Variants in ABCD3 observed in about 807,000 individuals in gnomAD.
The protein encoded by ABCD3 is ATP-binding cassette sub-family D member 3.
A neutral mutation model predicts 105.5 loss-of-function variants in ABCD3; 41 were observed. The ratio of observed to expected loss-of-function variants is 0.39; its 90% CI spans 0.30 to 0.50. ABCD3 has a LOEUF of 0.50. Ranked by LOEUF, ABCD3 falls within the 20% of genes least tolerant of loss-of-function variation. The probability of loss-of-function intolerance (pLI) is 0.84; values close to 1 mark genes in which losing one functional copy is unlikely to be tolerated. For missense variants in ABCD3, 622 were observed against 806.3 expected (o/e 0.77, Z 2.77); for synonymous variants, 258 against 269.0 (o/e 0.96, Z 0.40).
At chr1:94,502,132 GC>G (rs1050856740) in intron 20 of ABCD3, among the ~76,000 whole-genome samples, 1 of 152,062 alleles carries the variant, frequency 6.6e-6, no homozygotes, top group African/African-American at 2.4e-5. Flanking sequence ...CTAAATCCCA[GC>G]CCAGTTATTT....
At chr1:94,385,874 A>C in the ABCD3 span, among the ~76,000 whole-genome samples, 3 of 152,204 alleles carry the variant, frequency 2.0e-5, no homozygotes, top group Non-Finnish European at 4.4e-5. Context: ...TAGAATGTGC[A>C]GTGTGTAATC....
the ABCD3 span, among the ~76,000 whole-genome samples, chr1:94,411,355 C>A: frequency 6.6e-6 from 1 of 151,970 alleles, no homozygotes; most frequent in Admixed American, 6.6e-5. Flanking sequence ...TACAAATGGC[C>A]AACAAGCACG....
Position 94,467,804 on chromosome 1 carries a change from T to G in ABCD3, c.247-115T>G, listed in dbSNP as rs1648225783. On this transcript the variant is annotated intron_variant, in intron 3 of 22. Coordinates refer to ENST00000370214, the MANE Select transcript of ABCD3 (RefSeq NM_002858.4). ...TTATAGAAAAAATGTCAGCCAACTA[T>G]ATTGAAACTTACATAAAGCTTTAGA... is the stretch of plus-strand genomic sequence containing the variant. 5 of 710,242 alleles carry G rather than the reference T, an allele frequency of 7.0e-6. No individual in the cohort carries two copies. The South Asian group carries it at 7.9e-5, about 11-fold the overall frequency. 44.0% of individuals were successfully genotyped at this position (710,242 alleles called of 1,614,324 possible). A position where few individuals can be genotyped will look rare whatever the true frequency, so the allele number is the denominator to read the frequency against.
intron 4 of ABCD3, among the ~76,000 whole-genome samples, chr1:94,470,463 A>G (rs1570787068): frequency 6.6e-6 from 1 of 152,292 alleles, no homozygotes; most frequent in African/African-American, 2.4e-5. Flanking sequence ...TTGCTCAGCT[A>G]TAGCTGGAGA....
intron 16 of ABCD3, among the ~76,000 whole-genome samples, chr1:94,495,811 C>G (rs574857364): frequency 6.6e-6 from 1 of 152,132 alleles, no homozygotes; most frequent in Non-Finnish European, 1.5e-5. Context: ...ATTACCAGCT[C>G]ACTGAACTTT....
chr1:94,484,917 G>A (rs1160525383), intron 10 of ABCD3, among the ~76,000 whole-genome samples: 1 of 152,124 alleles, frequency 6.6e-6, no homozygotes, highest in African/African-American at 2.4e-5. Flanking sequence ...TGTAAAGCAA[G>A]AGTCAGCAAA....
At chr1:94,472,186 A>C in intron 4 of ABCD3, 1 of 974,538 alleles carries the variant, frequency 1.0e-6, no homozygotes, top group Non-Finnish European at 1.2e-6. Context: ...AATAATAAGC[A>C]GAAATAAGGC....
chr1:94,495,774 A>G (rs1649769208), intron 16 of ABCD3, among the ~76,000 whole-genome samples: 1 of 152,192 alleles, frequency 6.6e-6, no homozygotes, highest in Non-Finnish European at 1.5e-5. Flanking sequence ...AACATTACTC[A>G]AATAAAACGT....
At chr1:94,418,351 G>A (rs966820261), upstream of ABCD3, 35 of 710,892 alleles carry the variant, frequency 4.9e-5, 1 homozygote, top group Middle Eastern at 8.0e-4. Flanking sequence ...CGAGCCAGGG[G>A]GCGGTCCTGC....
chr1:94,492,529 A>G (rs1649583624), intron 16 of ABCD3, among the ~76,000 whole-genome samples: 1 of 152,188 alleles, frequency 6.6e-6, no homozygotes, highest in African/African-American at 2.4e-5. Context: ...ATGTAAATGT[A>G]GTTGGTAAAT....
chr1:94,406,372 T>A, the ABCD3 span: 3 of 258,374 alleles, frequency 1.2e-5, no homozygotes, highest in Admixed American at 1.4e-4. Context: ...TCCAGTGGGT[T>A]GTTGTTGTTG....
intron 21 of ABCD3, among the ~76,000 whole-genome samples, chr1:94,511,248 T>C (rs1185749470): frequency 1.3e-5 from 2 of 152,212 alleles, no homozygotes; most frequent in African/African-American, 4.8e-5. Context: ...CCTTTACTTA[T>C]GAAGCTTAGT....
intron 7 of ABCD3, among the ~76,000 whole-genome samples, chr1:94,476,626 T>C (rs1648756714): frequency 6.6e-6 from 1 of 152,158 alleles, no homozygotes; most frequent in Non-Finnish European, 1.5e-5. Flanking sequence ...CTGGGTCACA[T>C]TGTAAGAATA....
chr1:94,444,928 A>G (rs1183153073), intron 1 of ABCD3, among the ~76,000 whole-genome samples: 2 of 152,208 alleles, frequency 1.3e-5, no homozygotes, highest in South Asian at 2.1e-4. Flanking sequence ...AATGAGGGCA[A>G]GGGACACCTG....
chr1:94,452,585 AATG>A (rs1485042031), intron 1 of ABCD3, among the ~76,000 whole-genome samples: 1 of 152,224 alleles, frequency 6.6e-6, no homozygotes, highest in Admixed American at 6.5e-5. Context: ...TTTAAATTTT[AATG>A]ATAAGGTATT....
At chr1:94,418,209 C>T (rs927780658), upstream of ABCD3, among the ~76,000 whole-genome samples, 1 of 152,200 alleles carries the variant, frequency 6.6e-6, no homozygotes, top group Non-Finnish European at 1.5e-5. Context: ...GCCGCGTTTC[C>T]GGAGACCCTG....
chr1:94,433,813 AT>A (rs34291881), intron 1 of ABCD3, among the ~76,000 whole-genome samples: 38,527 of 146,348 alleles, frequency 0.26, 5,478 homozygotes, highest in Admixed American at 0.35. Flanking sequence ...TGCCCTGCTA[AT>A]TTTTTTTTTT....
intron 10 of ABCD3, 56 bp from the exon 11 acceptor site, chr1:94,487,486 A>G: frequency 1.4e-6 from 2 of 1,463,196 alleles, no homozygotes; most frequent in East Asian, 2.3e-5. Context: ...TCCTTATAGT[A>G]GATTCAGTTT....
intron 2 of ABCD3, among the ~76,000 whole-genome samples, chr1:94,464,340 A>G (rs936832047): frequency 3.3e-5 from 5 of 151,558 alleles, no homozygotes; most frequent in Admixed American, 1.3e-4. Context: ...TTTTTTAAAT[A>G]TGGTGTTAAT....
Sources: gnomAD v4.1 joint callset for allele counts (sites outside exome capture counted in the v4.1 genomes callset) on GRCh38, gnomAD v4.1.1 for gene constraint, MANE v1.5 for transcripts, NCBI Gene and HGNC (gene_info 2026-07-23, HGNC 2026-07-21) for gene names.